GRIP1: variants seen among roughly 807,000 people sequenced by gnomAD.
GRIP1 encodes the protein glutamate receptor-interacting protein 1.
A neutral mutation model predicts 129.9 loss-of-function variants in GRIP1; 45 were observed. The observed-to-expected ratio is 0.35, with a 90% CI of 0.27 to 0.44. The LOEUF is 0.44. GRIP1 is among the 20% of genes least tolerant of loss of function. The pLI, the probability that GRIP1 is intolerant of heterozygous loss-of-function variation, is 1.00. For synonymous variants in GRIP1, 530 were observed against 520.8 expected (o/e 1.02, Z -0.24); for missense variants, 1,196 against 1,396.8 (o/e 0.86, Z 2.29).
chr12:66,527,061 T>C (rs1448546565), intron 5 of GRIP1, among the ~76,000 whole-genome samples: 16 of 142,636 alleles, frequency 1.1e-4, no homozygotes, highest in East Asian at 6.0e-4. Context: ...AATAGGAACA[T>C]TTTTACACTG....
At chr12:66,964,487 T>G (rs1389888409) in intron 1 of GRIP1, among the ~76,000 whole-genome samples, 1 of 152,112 alleles carries the variant, frequency 6.6e-6, no homozygotes, top group Non-Finnish European at 1.5e-5. Context: ...CTACTTTTAC[T>G]TTCCCAAGCA....
At chr12:66,891,627 A>G (rs1173639311) in intron 1 of GRIP1, among the ~76,000 whole-genome samples, 1 of 152,162 alleles carries the variant, frequency 6.6e-6, no homozygotes, top group East Asian at 1.9e-4. Flanking sequence ...CCCTCCACAG[A>G]GCATTGAGGT....
At chr12:66,465,055 A>G (rs12818551) in intron 8 of GRIP1, among the ~76,000 whole-genome samples, 40,504 of 150,222 alleles carry the variant, frequency 0.27, 6,422 homozygotes, top group African/African-American at 0.44. Flanking sequence ...AGTGATTCTC[A>G]TGCCTCAGCC....
chr12:66,430,150 T>G (rs573897363), intron 14 of GRIP1, among the ~76,000 whole-genome samples: 23 of 152,358 alleles, frequency 1.5e-4, no homozygotes, highest in Non-Finnish European at 2.4e-4. Flanking sequence ...TCAGGAACTG[T>G]GCTAGGCCTC....
rs2054460798 is a variant in GRIP1, at chr12:66,355,784, C to T, written c.3013-2221G>A. On this transcript the variant is annotated intron_variant, in intron 23 of 24. Transcript: ENST00000359742. ...TTTTTGCTCATGGATATATCTCAAGCCCCTAAGGCAGCACCTGTCACATAG... is the reference window on the plus strand; with the variant it reads ...TTTTTGCTCATGGATATATCTCAAGTCCCTAAGGCAGCACCTGTCACATAG... 2.0e-5 allele frequency among the ~76,000 whole-genome samples: 3 copies of T among 152,156 alleles called. No individual in the cohort carries two copies. The South Asian group carries it at 6.2e-4, about 32-fold the overall frequency.
intron 13 of GRIP1, among the ~76,000 whole-genome samples, chr12:66,441,737 CT>C (rs1366046351): frequency 6.6e-6 from 1 of 152,158 alleles, no homozygotes; most frequent in East Asian, 1.9e-4. Flanking sequence ...ACATGCTTAT[CT>C]TTTTTCTCTA....
rs181159515 is a variant in GRIP1, at chr12:66,989,737, T to C, written c.58+79313A>G. Among the ~76,000 whole-genome samples the C allele has an allele frequency of 2.8e-3, 431 of 152,242 alleles. 1 individual carries two copies. The highest frequency in any genetic ancestry group is 1.0e-2 in the African/African-American group (415 of 41,548). On this transcript the variant is annotated intron_variant, in intron 1 of 1. Coordinates refer to the GRIP1 transcript ENST00000643019. ...GTCACTACACAAGGAAGAAAAATAA[T>C]GGAAGATATTAACTTGTTTATAGGA... is the stretch of plus-strand genomic sequence containing the variant.
intron 1 of GRIP1, among the ~76,000 whole-genome samples, chr12:66,734,142 T>C (rs1039356748): frequency 1.3e-5 from 2 of 152,192 alleles, no homozygotes; most frequent in African/African-American, 4.8e-5. Flanking sequence ...TTTAATAAAA[T>C]TCCTATTTTA....
chr12:66,473,573 C>T (rs1161394472), intron 7 of GRIP1, among the ~76,000 whole-genome samples: 1 of 152,212 alleles, frequency 6.6e-6, no homozygotes, highest in African/African-American at 2.4e-5. Flanking sequence ...ACACCTCTTA[C>T]AGGAGAGCTC....
At chr12:66,411,430 C>T (rs756721637) in intron 15 of GRIP1, among the ~76,000 whole-genome samples, 25 of 152,132 alleles carry the variant, frequency 1.6e-4, no homozygotes, top group African/African-American at 4.3e-4. Context: ...AAAGCAACAA[C>T]GGTAACATCA....
chr12:66,666,496 T>G (rs553074182), intron 1 of GRIP1, among the ~76,000 whole-genome samples: 1 of 152,328 alleles, frequency 6.6e-6, no homozygotes, highest in African/African-American at 2.4e-5. Flanking sequence ...ATTAATTTAA[T>G]ACATTATTAA....
intron 1 of GRIP1, among the ~76,000 whole-genome samples, chr12:67,057,885 T>C (rs915071239): frequency 6.6e-6 from 1 of 152,240 alleles, no homozygotes; most frequent in African/African-American, 2.4e-5. Context: ...AAATGTGCTC[T>C]GCACATACCA....
chr12:66,978,424 G>A (rs561695590), intron 1 of GRIP1, among the ~76,000 whole-genome samples: 6 of 152,274 alleles, frequency 3.9e-5, no homozygotes, highest in African/African-American at 1.4e-4. Flanking sequence ...TTGAAAGCAT[G>A]TAACTTTGAT....
At chr12:66,683,685 C>T (rs1391128708), upstream of GRIP1, among the ~76,000 whole-genome samples, 2 of 152,148 alleles carry the variant, frequency 1.3e-5, no homozygotes, top group Admixed American at 6.5e-5. Flanking sequence ...CTAGGCAGGG[C>T]TCTGATGCCC....
chr12:66,623,389 T>A (rs546567961), intron 1 of GRIP1, among the ~76,000 whole-genome samples: 1 of 152,200 alleles, frequency 6.6e-6, no homozygotes, highest in African/African-American at 2.4e-5. Flanking sequence ...GTTAAGTAGC[T>A]TGCCCATTGT....
intron 1 of GRIP1, among the ~76,000 whole-genome samples, chr12:66,737,940 A>G (rs2036660481): frequency 1.3e-5 from 2 of 152,278 alleles, no homozygotes; most frequent in South Asian, 4.1e-4. Context: ...GCAGGCTGCA[A>G]AGAGAGCATA....
chr12:66,426,838 G>A (rs907618402), intron 14 of GRIP1, among the ~76,000 whole-genome samples: 37 of 152,124 alleles, frequency 2.4e-4, no homozygotes, highest in African/African-American at 8.9e-4. Context: ...AAGCTTCCTG[G>A]GGGAAGAAGG....
Position 66,411,167 on chromosome 12 carries a change from C to T in GRIP1, c.1839-4739G>A, listed in dbSNP as rs145093640. Among the ~76,000 whole-genome samples the T allele has an allele frequency of 3.4e-3, 520 of 152,270 alleles. 2 individuals are homozygous for T. Among genetic ancestry groups the T allele is most frequent in the Non-Finnish European group, 5.5e-3 (374 of 68,016 alleles). ...GCGGCAGCCAGACTGCTTTTTTAAGCGGGTCCCTGATACCGTTCCTCCTGA... is the reference window on the plus strand; with the variant it reads ...GCGGCAGCCAGACTGCTTTTTTAAGTGGGTCCCTGATACCGTTCCTCCTGA... On this transcript the variant is annotated intron_variant, in intron 15 of 24. Coordinates refer to ENST00000359742, the MANE Select transcript of GRIP1 (RefSeq NM_001366722.1).
At chr12:66,873,067 G>C (rs984029933) in intron 1 of GRIP1, among the ~76,000 whole-genome samples, 6 of 152,058 alleles carry the variant, frequency 3.9e-5, no homozygotes, top group Non-Finnish European at 7.4e-5. Flanking sequence ...CCTACAGGTG[G>C]CCTCTCCTGT....
Sources: gnomAD v4.1 joint callset for allele counts (sites outside exome capture counted in the v4.1 genomes callset) on GRCh38, gnomAD v4.1.1 for gene constraint, MANE v1.5 for transcripts, NCBI Gene and HGNC (gene_info 2026-07-23, HGNC 2026-07-21) for gene names.